RUFY1: variants seen among roughly 807,000 people sequenced by gnomAD.
The protein encoded by RUFY1 is RUN and FYVE domain containing 1.
In RUFY1, 54 loss-of-function variants were observed where a neutral mutation model predicts 94.6. That is an observed-to-expected ratio of 0.57 (90% CI 0.46 to 0.72). RUFY1 has a LOEUF of 0.72. Ranked by LOEUF, RUFY1 falls within the 30% of genes least tolerant of loss-of-function variation. The pLI is 0.00. For synonymous variants in RUFY1, 396 were observed against 347.3 expected (o/e 1.14, Z -1.56); for missense variants, 883 against 883.9 (o/e 1.00, Z 0.01).
In RUFY1 at chr5:179,594,914, G is replaced by GA; in HGVS notation, c.1464dup (p.Gly489ArgfsTer28). On this transcript the variant is annotated frameshift_variant, in exon 12 of 18. Transcript: ENST00000319449. LOFTEE classifies it high-confidence loss of function. ...GAAGAATGAAGCCATCACATCCTTT[G>GA]AAGGAAAAACCAACCAAGTTATGTC... The GA allele has an allele frequency of 6.2e-7, 1 of 1,613,486 alleles. No individual in the cohort carries two copies. The highest frequency in any genetic ancestry group is 8.5e-7 in the Non-Finnish European group (1 of 1,179,652).
chr5:179,558,402 G>A (rs1050863390), intron 1 of RUFY1, among the ~76,000 whole-genome samples: 12 of 151,972 alleles, frequency 7.9e-5, no homozygotes, highest in East Asian at 1.9e-4. Flanking sequence ...GAGAAACCCC[G>A]TCTCTACTAA....
intron 5 of RUFY1, among the ~76,000 whole-genome samples, chr5:179,571,889 G>A (rs1233126644): frequency 6.6e-6 from 1 of 151,832 alleles, no homozygotes; most frequent in Non-Finnish European, 1.5e-5. Context: ...TAAAGACTAA[G>A]CACATTGACC....
At chr5:179,598,641 T>C (rs774364489) in intron 13 of RUFY1, 51 bp from the exon 14 acceptor site, 1 of 1,608,378 alleles carries the variant, frequency 6.2e-7, no homozygotes, top group South Asian at 1.1e-5. Flanking sequence ...TTGTGAATCT[T>C]CCGTGAAAGT....
intron 11 of RUFY1, among the ~76,000 whole-genome samples, chr5:179,593,914 C>T (rs775142482): frequency 2.0e-5 from 3 of 152,192 alleles, no homozygotes; most frequent in Non-Finnish European, 4.4e-5. Context: ...AACCCAAACC[C>T]AAACTTTGTC....
In RUFY1 at chr5:179,567,577, A is replaced by G; in HGVS notation, c.704+15A>G. 2 of 1,549,496 alleles carry G rather than the reference A, an allele frequency of 1.3e-6. No homozygotes were observed. The highest frequency in any genetic ancestry group is 1.8e-6 in the Non-Finnish European group (2 of 1,121,452). On this transcript the variant is annotated intron_variant, in intron 4 of 17. Coordinates refer to ENST00000319449, the MANE Select transcript of RUFY1 (RefSeq NM_025158.5). The stretch of plus-strand genomic sequence containing the variant: ...CATCTCTTAAGGTATTTCATCAACC[A>G]TGTTTGCTTATCTTTTGCTTGGTAA...
At chr5:179,600,684 CTTTTTTTTTTTTTT>C (rs398000079) in intron 14 of RUFY1, among the ~76,000 whole-genome samples, 2 of 54,706 alleles carry the variant, frequency 3.7e-5, no homozygotes, top group African/African-American at 1.6e-4. Context: ...ATGATGGTAA[CTTTTTTTTTTTTTT>C]TTTTTTTTTT....
At chr5:179,562,837 T>C (rs1762550820) in intron 3 of RUFY1, 173 bp downstream of exon 3, 1 of 554,804 alleles carries the variant, frequency 1.8e-6, no homozygotes, top group South Asian at 2.3e-5. Flanking sequence ...TTCCTTTTCT[T>C]TAAAATGGGG....
intron 8 of RUFY1, among the ~76,000 whole-genome samples, chr5:179,589,186 G>C (rs1764844005): frequency 6.6e-6 from 1 of 152,058 alleles, no homozygotes; most frequent in South Asian, 2.1e-4. Context: ...GTACATGTTT[G>C]TTTTATGCTT....
Position 179,550,712 on chromosome 5 carries a change from G to A in RUFY1, c.143G>A (p.Gly48Asp). The part of the protein sequence containing the change: ...IVDRSQLPGP[G>D]DLRSATRPRA... The stretch of plus-strand genomic sequence containing the variant: ...GACCGAAGCCAGCTGCCCGGCCCAG[G>A]CGACCTGCGGAGCGCAACGAGGCCG... Residue 48 changes from glycine (G) to aspartate (D), a missense_variant, in exon 1 of 18, where the codon GGC becomes GAC. Gly to Asp is a moderately conservative substitution (Grantham distance 94). Coordinates refer to ENST00000319449, the MANE Select transcript of RUFY1 (RefSeq NM_025158.5). The A allele has an allele frequency of 6.7e-7, 1 of 1,487,894 alleles. No individual in the cohort carries two copies. The highest frequency in any genetic ancestry group is 1.3e-5 in the South Asian group (1 of 79,622). 92.2% of individuals were successfully genotyped at this position (1,487,894 alleles called of 1,614,324 possible).
intron 3 of RUFY1, among the ~76,000 whole-genome samples, chr5:179,567,118 A>G (rs1762887360): frequency 6.6e-6 from 1 of 152,240 alleles, no homozygotes; most frequent in South Asian, 2.1e-4. Context: ...TAGAGATTTT[A>G]TAAGCTTCAG....
At chr5:179,604,907 C>T (rs918623277) in intron 15 of RUFY1, among the ~76,000 whole-genome samples, 9 of 151,502 alleles carry the variant, frequency 5.9e-5, no homozygotes, top group Admixed American at 1.3e-4. Flanking sequence ...TTGCTTGAGC[C>T]CAGGAAGCAG....
chr5:179,581,657 C>T (rs995489021), intron 7 of RUFY1, among the ~76,000 whole-genome samples: 14 of 151,528 alleles, frequency 9.2e-5, no homozygotes, highest in African/African-American at 2.9e-4. Context: ...CAGTTACGGA[C>T]ACATTGCTCT....
At chr5:179,565,900 G>A (rs1202720813) in intron 3 of RUFY1, among the ~76,000 whole-genome samples, 1 of 152,118 alleles carries the variant, frequency 6.6e-6, no homozygotes, top group Non-Finnish European at 1.5e-5. Flanking sequence ...CCAACACTTT[G>A]AGAGGCTGAG....
intron 6 of RUFY1, among the ~76,000 whole-genome samples, chr5:179,580,542 AGTTTTTTTT>A (rs1039678004): frequency 7.2e-6 from 1 of 139,750 alleles, no homozygotes; most frequent in South Asian, 2.4e-4. Flanking sequence ...ACGCCTGGCC[AGTTTTTTTT>A]GTTTTTTTTT....
rs772671848 is a variant in RUFY1, at chr5:179,609,846, GAGT to G, written c.*331_*333del. On this transcript the variant is annotated 3_prime_UTR_variant, in exon 18 of 18. Coordinates refer to ENST00000319449, the MANE Select transcript of RUFY1 (RefSeq NM_025158.5). ...TTTACAGCAGTTCAGTTCTGCTAGTGAGTAGTTTTCCTCTCCTACCTTCCTTCT... is the reference window on the plus strand; with the variant it reads ...TTTACAGCAGTTCAGTTCTGCTAGTGAGTTTTCCTCTCCTACCTTCCTTCT... The G allele has an allele frequency of 2.2e-4, 47 of 218,136 alleles. No homozygotes were observed. Among genetic ancestry groups the G allele is most frequent in the African/African-American group, 8.7e-4 (38 of 43,658 alleles). The allele number at this position is 218,136 out of a possible 1,614,324, so 13.5% of individuals were successfully genotyped here. A position where few individuals can be genotyped will look rare whatever the true frequency, so the allele number is the denominator to read the frequency against.
At chr5:179,584,711 A>G (rs917762386) in intron 7 of RUFY1, among the ~76,000 whole-genome samples, 78 of 152,274 alleles carry the variant, frequency 5.1e-4, no homozygotes, top group African/African-American at 1.6e-3. Context: ...ACAGTGAGCC[A>G]TGATCACACC....
Position 179,609,528 on chromosome 5 carries a change from C to CCTCAGGAG in RUFY1, c.*11_*18dup. ...CCTCCACGGCCTCCTGAACGTCCGT[C>CCTCAGGAG]CTCAGGAGCACAGCCTCACGGACAG... On this transcript the variant is annotated 3_prime_UTR_variant, in exon 18 of 18. Coordinates refer to ENST00000319449, the MANE Select transcript of RUFY1 (RefSeq NM_025158.5). 9 of 1,594,054 alleles carry CCTCAGGAG rather than the reference C, an allele frequency of 5.6e-6. No individual in the cohort carries two copies. The highest frequency in any genetic ancestry group is 7.7e-6 in the Non-Finnish European group (9 of 1,174,348).
chr5:179,582,039 A>T (rs1764203560), intron 7 of RUFY1, among the ~76,000 whole-genome samples: 1 of 151,922 alleles, frequency 6.6e-6, no homozygotes, highest in Non-Finnish European at 1.5e-5. Flanking sequence ...TTTTTGGTCG[A>T]TTACTAGTTT....
At chr5:179,587,390 T>TTA (rs1252718396) in intron 8 of RUFY1, among the ~76,000 whole-genome samples, 4 of 143,894 alleles carry the variant, frequency 2.8e-5, no homozygotes, top group African/African-American at 1.0e-4. Flanking sequence ...TTCTTTTTTT[T>TTA]TTTTTTTTGA....
Sources: allele counts gnomAD v4.1 joint callset (sites outside exome capture counted in the v4.1 genomes callset), GRCh38; gene constraint gnomAD v4.1.1; transcripts MANE v1.5; gene names NCBI Gene and HGNC (gene_info 2026-07-23, HGNC 2026-07-21).